CHRM3: variants seen among roughly 807,000 people sequenced by gnomAD.
The protein encoded by CHRM3 is muscarinic acetylcholine receptor M3.
Under a neutral mutation model 41.8 loss-of-function variants are expected in CHRM3, and 11 were observed. That is an observed-to-expected ratio of 0.26 (90% CI 0.17 to 0.44). CHRM3 has a LOEUF of 0.44. CHRM3 is among the 20% of genes least tolerant of loss of function. The pLI, the probability that CHRM3 is intolerant of heterozygous loss-of-function variation, is 1.00. For synonymous variants in CHRM3, 297 were observed against 301.4 expected, an observed-to-expected ratio of 0.99 and a Z score of 0.15; for missense variants, 571 against 745.4, an observed-to-expected ratio of 0.77 and a Z score of 2.72.
In CHRM3 at chr1:239,914,426, G is replaced by T. The variant is rs929682484; in HGVS notation, c.*5202G>T. The T allele has an allele frequency of 6.0e-6, 1 of 167,024 alleles. No homozygotes were observed. Among genetic ancestry groups the T allele is most frequent in the Non-Finnish European group, 1.5e-5 (1 of 68,116 alleles). 10.3% of individuals were successfully genotyped at this position (167,024 alleles called of 1,614,324 possible). On this transcript the variant is annotated 3_prime_UTR_variant, in exon 7 of 7. Coordinates refer to ENST00000676153, the MANE Select transcript of CHRM3 (RefSeq NM_001375978.1). ...TGCTACTGTAGTCAGGAGTTATTTG[G>T]CTGGGAAGTGGAAAGTGTTCACAAA...
chr1:239,576,059 T>A (rs971040771), intron 3 of CHRM3, among the ~76,000 whole-genome samples: 1 of 152,040 alleles, frequency 6.6e-6, no homozygotes. Flanking sequence ...GGTAATGGAG[T>A]CCTGTAGTAT....
intron 5 of CHRM3, among the ~76,000 whole-genome samples, chr1:239,720,331 C>T (rs957749175): frequency 1.3e-5 from 2 of 151,938 alleles, no homozygotes; most frequent in African/African-American, 4.8e-5. Flanking sequence ...TTGTTCACAT[C>T]ATGTTCATAT....
chr1:239,492,472 C>G (rs1333390983), intron 1 of CHRM3, among the ~76,000 whole-genome samples: 1 of 152,130 alleles, frequency 6.6e-6, no homozygotes, highest in Non-Finnish European at 1.5e-5. Flanking sequence ...AGGACTTACC[C>G]ACTCATCTAA....
chr1:239,880,581 T>C (rs1040895366), intron 6 of CHRM3, among the ~76,000 whole-genome samples: 1 of 152,200 alleles, frequency 6.6e-6, no homozygotes, highest in African/African-American at 2.4e-5. Flanking sequence ...CTGAGGCCGC[T>C]AACTCCTGGG....
At chr1:239,665,143 G>C (rs900213932) in intron 4 of CHRM3, among the ~76,000 whole-genome samples, 1 of 126,776 alleles carries the variant, frequency 7.9e-6, no homozygotes, top group Non-Finnish European at 1.6e-5. Context: ...CATTTCCAAC[G>C]TTAAAAGTTT....
At chr1:239,647,859 G>A (rs1416701395) in intron 4 of CHRM3, among the ~76,000 whole-genome samples, 1 of 152,016 alleles carries the variant, frequency 6.6e-6, no homozygotes, top group African/African-American at 2.4e-5. Context: ...CTTCCTAGCT[G>A]GCTCAAAATT....
At chr1:239,870,113 T>G (rs1234893138) in intron 6 of CHRM3, among the ~76,000 whole-genome samples, 1 of 152,172 alleles carries the variant, frequency 6.6e-6, no homozygotes, top group Admixed American at 6.5e-5. Flanking sequence ...GAGGTGCCCC[T>G]GGGAAGGTTC....
chr1:239,869,535 C>T (rs979585150), intron 6 of CHRM3, among the ~76,000 whole-genome samples: 9 of 152,040 alleles, frequency 5.9e-5, no homozygotes, highest in African/African-American at 2.2e-4. Context: ...GCTACAGAAT[C>T]AGCCACAGGA....
intron 4 of CHRM3, among the ~76,000 whole-genome samples, chr1:239,676,292 G>A (rs1657996948): frequency 6.6e-6 from 1 of 152,212 alleles, no homozygotes; most frequent in Admixed American, 6.5e-5. Context: ...GATTCAGACA[G>A]AATGACCAGT....
intron 1 of CHRM3, among the ~76,000 whole-genome samples, chr1:239,400,945 C>T (rs938246414): frequency 2.0e-5 from 3 of 152,070 alleles, no homozygotes; most frequent in East Asian, 1.9e-4. Context: ...CTGATGATGT[C>T]GCAGAAGCTC....
At chr1:239,501,221 A>G (rs201614759) in intron 2 of CHRM3, among the ~76,000 whole-genome samples, 1 of 152,250 alleles carries the variant, frequency 6.6e-6, no homozygotes, top group Admixed American at 6.5e-5. Flanking sequence ...ACAGGTCATT[A>G]AGACAGAAAG....
In CHRM3 at chr1:239,697,340, C is replaced by T. The variant is rs551464760; in HGVS notation, c.-147+19052C>T. 4.6e-5 allele frequency among the ~76,000 whole-genome samples: 7 copies of T among 152,252 alleles called. No homozygotes were observed. In the South Asian group the frequency reaches 1.5e-3, roughly 32 times the overall value. ...TCTTTTCCTGCTGCTATCCATGCCA[C>T]GTGACTTGCTCCTCCTTGCCTTCCA... On this transcript the variant is annotated intron_variant, in intron 5 of 6. Transcript: ENST00000676153.
intron 6 of CHRM3, among the ~76,000 whole-genome samples, chr1:239,878,409 A>T (rs867456290): frequency 6.6e-6 from 1 of 151,994 alleles, no homozygotes; most frequent in African/African-American, 2.4e-5. Context: ...ATCTGACAAG[A>T]GGCAGAGCTC....
chr1:239,862,843 G>A (rs1255789383), intron 6 of CHRM3, among the ~76,000 whole-genome samples: 1 of 152,128 alleles, frequency 6.6e-6, no homozygotes, highest in East Asian at 1.9e-4. Context: ...TTGTACTTCG[G>A]TGAAATCAAA....
intron 2 of CHRM3, among the ~76,000 whole-genome samples, chr1:239,533,579 A>T (rs1339716887): frequency 3.3e-5 from 5 of 151,586 alleles, no homozygotes; most frequent in Admixed American, 1.3e-4. Flanking sequence ...AAAAAAAAAA[A>T]AATTACCTGT....
chr1:239,618,120 A>C (rs904883787), intron 3 of CHRM3, among the ~76,000 whole-genome samples: 8 of 151,814 alleles, frequency 5.3e-5, no homozygotes, highest in Admixed American at 4.6e-4. Flanking sequence ...AAAACTCCCC[A>C]GGTGTGACTT....
intron 1 of CHRM3, among the ~76,000 whole-genome samples, chr1:239,484,848 T>C (rs1415778378): frequency 6.6e-6 from 1 of 152,082 alleles, no homozygotes; most frequent in African/African-American, 2.4e-5. Context: ...GCAGCTGTGC[T>C]CTGAGGAAGC....
chr1:239,836,570 G>A (rs1461655840), intron 6 of CHRM3, among the ~76,000 whole-genome samples: 6 of 152,064 alleles, frequency 3.9e-5, no homozygotes, highest in Non-Finnish European at 7.4e-5. Flanking sequence ...TACCATCCCC[G>A]TACAAAAACC....
At chr1:239,880,877 G>A (rs1351868071) in intron 6 of CHRM3, among the ~76,000 whole-genome samples, 1 of 152,162 alleles carries the variant, frequency 6.6e-6, no homozygotes, top group Non-Finnish European at 1.5e-5. Flanking sequence ...GCCTAATCAG[G>A]TTAGCCTTCG....
Sources: gnomAD v4.1 joint callset for allele counts (sites outside exome capture counted in the v4.1 genomes callset) on GRCh38, gnomAD v4.1.1 for gene constraint, MANE v1.5 for transcripts, NCBI Gene and HGNC (gene_info 2026-07-23, HGNC 2026-07-21) for gene names.